The following EXOC6B variants were observed in gnomAD, a reference collection of about 807,000 sequenced individuals.
The protein encoded by EXOC6B is exocyst complex component 6B.
Under a neutral mutation model 113.5 loss-of-function variants are expected in EXOC6B, and 54 were observed. The ratio of observed to expected loss-of-function variants is 0.48; its 90% confidence interval spans 0.38 to 0.60. EXOC6B has a LOEUF of 0.60. Among genes scored for constraint, EXOC6B ranks in the 20% least tolerant of loss-of-function variants. EXOC6B has a pLI of 0.00. For synonymous variants in EXOC6B, 357 were observed against 339.0 expected (o/e 1.05, Z -0.58); for missense variants, 797 against 977.5 (o/e 0.82, Z 2.46).
At chr2:72,393,755 T>C (rs967734604) in intron 18 of EXOC6B, among the ~76,000 whole-genome samples, 162 of 152,306 alleles carry the variant, frequency 1.1e-3, no homozygotes, top group African/African-American at 3.8e-3. Flanking sequence ...AAAATGCTTA[T>C]ATATGTGTGT....
At chr2:72,596,231 C>G (rs554463524) in intron 6 of EXOC6B, among the ~76,000 whole-genome samples, 1 of 152,286 alleles carries the variant, frequency 6.6e-6, no homozygotes, top group East Asian at 1.9e-4. Flanking sequence ...CTTCTCAGAT[C>G]CATCAGAGAA....
At chr2:72,819,083 G>T (rs1255319380) in intron 1 of EXOC6B, among the ~76,000 whole-genome samples, 2 of 152,084 alleles carry the variant, frequency 1.3e-5, no homozygotes, top group Non-Finnish European at 2.9e-5. Context: ...AGAGTATCTG[G>T]CACATAGACA....
chr2:72,705,535 C>G (rs1231010367), intron 6 of EXOC6B, among the ~76,000 whole-genome samples: 1 of 152,248 alleles, frequency 6.6e-6, no homozygotes, highest in South Asian at 2.1e-4. Flanking sequence ...TATCACTGTT[C>G]TGTTCTAATG....
chr2:72,710,644 T>C (rs1053214571), intron 6 of EXOC6B, among the ~76,000 whole-genome samples: 2 of 152,194 alleles, frequency 1.3e-5, no homozygotes, highest in Non-Finnish European at 2.9e-5. Context: ...CAACAATACT[T>C]TTACGTGGTG....
intron 8 of EXOC6B, among the ~76,000 whole-genome samples, chr2:72,531,049 A>G (rs910897486): frequency 1.3e-5 from 2 of 152,016 alleles, no homozygotes; most frequent in Non-Finnish European, 2.9e-5. Flanking sequence ...TATTTAGATA[A>G]TTTACATTCA....
Position 72,636,800 on chromosome 2 carries a change from C to T in EXOC6B, c.670-61132G>A, listed in dbSNP as rs138730552. 2.0e-3 allele frequency among the ~76,000 whole-genome samples: 299 copies of T among 151,938 alleles called. 2 individuals are homozygous for T. The highest frequency in any genetic ancestry group is 2.7e-3 in the South Asian group (13 of 4,798). On this transcript the variant is annotated intron_variant, in intron 6 of 21. Transcript: ENST00000272427. ...CTAACCACTGCTATTCAATATAGTA[C>T]GTACAATTCTAGCCACTGCAATGAG...
chr2:72,414,558 G>C (rs1350134951), intron 18 of EXOC6B, among the ~76,000 whole-genome samples: 1 of 152,210 alleles, frequency 6.6e-6, no homozygotes, highest in Non-Finnish European at 1.5e-5. Context: ...GGCCCTCTGT[G>C]CAGGGATCTT....
chr2:72,268,818 C>T (rs1326794249), intron 20 of EXOC6B, among the ~76,000 whole-genome samples: 1 of 152,102 alleles, frequency 6.6e-6, no homozygotes, highest in Non-Finnish European at 1.5e-5. Context: ...ATGCTGGCTC[C>T]CCTTCACCTT....
At chr2:72,661,357 T>C (rs1255177982) in intron 6 of EXOC6B, among the ~76,000 whole-genome samples, 1 of 135,758 alleles carries the variant, frequency 7.4e-6, no homozygotes, top group East Asian at 2.1e-4. Flanking sequence ...ATGCTGAATA[T>C]ACCAAGGAAT....
chr2:72,457,020 A>G (rs976656373), intron 18 of EXOC6B, among the ~76,000 whole-genome samples: 1 of 152,004 alleles, frequency 6.6e-6, no homozygotes, highest in African/African-American at 2.4e-5. Flanking sequence ...GGGAAAAAAA[A>G]AAAAGACCCA....
intron 20 of EXOC6B, among the ~76,000 whole-genome samples, chr2:72,326,727 A>AACACCT (rs1165235951): frequency 1.3e-5 from 2 of 151,856 alleles, no homozygotes; most frequent in African/African-American, 2.4e-5. Context: ...CACCTAATGG[A>AACACCT]AAGGGTGTTC....
rs1437481850 is a variant in EXOC6B at position 72,405,875 on chromosome 2, G to C, written c.1981-26005C>G. 2.0e-5 allele frequency among the ~76,000 whole-genome samples: 3 copies of C among 152,114 alleles called. No homozygotes were observed. In the East Asian group the frequency reaches 5.8e-4, roughly 29 times the overall value. ...CAATATTAACCTTAAATGTAAATGGGCTAAATGCTCCAATTAAAAGACACA... is the reference window on the plus strand; with the variant it reads ...CAATATTAACCTTAAATGTAAATGGCCTAAATGCTCCAATTAAAAGACACA... On this transcript the variant is annotated intron_variant, in intron 18 of 21. Coordinates refer to ENST00000272427, the MANE Select transcript of EXOC6B (RefSeq NM_015189.3).
chr2:72,807,198 C>A (rs1685627090), intron 1 of EXOC6B, among the ~76,000 whole-genome samples: 1 of 152,054 alleles, frequency 6.6e-6, no homozygotes, highest in African/African-American at 2.4e-5. Context: ...GATTTTTGCA[C>A]ATGGTATAAG....
At chr2:72,531,783 A>G (rs1702016247) in intron 8 of EXOC6B, among the ~76,000 whole-genome samples, 1 of 152,134 alleles carries the variant, frequency 6.6e-6, no homozygotes. Context: ...CAGGAGTTCA[A>G]GACAAGCCTG....
At chr2:72,454,900 A>G (rs535685717) in intron 18 of EXOC6B, among the ~76,000 whole-genome samples, 14 of 152,372 alleles carry the variant, frequency 9.2e-5, no homozygotes, top group African/African-American at 2.9e-4. Flanking sequence ...AAAGATCCCA[A>G]TACCACATTG....
At chr2:72,305,030 A>C (rs1437372352) in intron 20 of EXOC6B, among the ~76,000 whole-genome samples, 1 of 152,216 alleles carries the variant, frequency 6.6e-6, no homozygotes, top group African/African-American at 2.4e-5. Context: ...GGTACACTAA[A>C]TCAGAATAAC....
chr2:72,810,552 C>G (rs1211132294), intron 1 of EXOC6B, among the ~76,000 whole-genome samples: 2 of 151,416 alleles, frequency 1.3e-5, no homozygotes, highest in African/African-American at 4.9e-5. Flanking sequence ...ACCACAAGAA[C>G]CTAGGAAGAA....
intron 1 of EXOC6B, among the ~76,000 whole-genome samples, chr2:72,762,567 A>G (rs1682807234): frequency 6.6e-6 from 1 of 152,050 alleles, no homozygotes; most frequent in African/African-American, 2.4e-5. Context: ...GTAAATCAAG[A>G]ATTTTATACC....
intron 20 of EXOC6B, among the ~76,000 whole-genome samples, chr2:72,305,048 C>T (rs1476729291): frequency 6.6e-6 from 1 of 152,170 alleles, no homozygotes; most frequent in African/African-American, 2.4e-5. Flanking sequence ...AACTGCAAGT[C>T]ACATTTATTA....
Sources: allele counts gnomAD v4.1 joint callset (sites outside exome capture counted in the v4.1 genomes callset), GRCh38; gene constraint gnomAD v4.1.1; transcripts MANE v1.5; gene names NCBI Gene and HGNC (gene_info 2026-07-23, HGNC 2026-07-21).